The following ST6GALNAC5 variants were observed in gnomAD, a reference collection of about 807,000 sequenced individuals.
ST6GALNAC5 encodes ST6 N-acetylgalactosaminide alpha-2,6-sialyltransferase 5, also known as alpha-N-acetylgalactosaminide alpha-2,6-sialyltransferase 5.
A neutral mutation model predicts 33.6 loss-of-function variants in ST6GALNAC5; 27 were observed. The ratio of observed to expected loss-of-function variants is 0.80; its 90% confidence interval spans 0.59 to 1.11. The LOEUF (loss-of-function observed/expected upper bound fraction) is 1.11. ST6GALNAC5 is among the 50% of genes least tolerant of loss of function. ST6GALNAC5 has a pLI of 0.00. For missense variants in ST6GALNAC5, 428 were observed against 454.0 expected (o/e 0.94, Z 0.52); for synonymous variants, 194 against 171.2 (o/e 1.13, Z -1.04).
At chr1:76,908,744 G>A (rs1402336313) in intron 2 of ST6GALNAC5, among the ~76,000 whole-genome samples, 1 of 152,060 alleles carries the variant, frequency 6.6e-6, no homozygotes, top group Non-Finnish European at 1.5e-5. Flanking sequence ...TGTAACCGCA[G>A]GGTTCCTGTC....
At chr1:76,946,700 C>T (rs1376357687) in intron 2 of ST6GALNAC5, among the ~76,000 whole-genome samples, 1 of 152,082 alleles carries the variant, frequency 6.6e-6, no homozygotes, top group African/African-American at 2.4e-5. Context: ...TTAGTTTTAC[C>T]ACTTTAAATT....
At chr1:76,875,757 A>T (rs770824395) in intron 2 of ST6GALNAC5, among the ~76,000 whole-genome samples, 2 of 152,074 alleles carry the variant, frequency 1.3e-5, no homozygotes, top group Non-Finnish European at 2.9e-5. Context: ...TGGGAGAAAC[A>T]GTACCATATA....
intron 2 of ST6GALNAC5, chr1:76,871,301 A>T (rs185462917): frequency 6.6e-6 from 1 of 152,302 alleles, no homozygotes; most frequent in African/African-American, 2.4e-5. Context: ...GCTGGATGTG[A>T]TGACCACCAA....
rs568574928 is a variant in ST6GALNAC5, at chr1:76,945,196, C to T, written c.261+76454C>T. ...CATCTAGAGGACTTGGGGTTAAGGCCGAGTTATTCTTCAAGTACACAATTA... is the reference window on the plus strand; with the variant it reads ...CATCTAGAGGACTTGGGGTTAAGGCTGAGTTATTCTTCAAGTACACAATTA... On this transcript the variant is annotated intron_variant, in intron 2 of 4. Coordinates refer to ENST00000477717, the MANE Select transcript of ST6GALNAC5 (RefSeq NM_030965.3). Among the ~76,000 whole-genome samples, 7 of 151,506 alleles carry T rather than the reference C, an allele frequency of 4.6e-5. No individual in the cohort carries two copies. In the East Asian group the frequency reaches 7.8e-4, roughly 17 times the overall value.
chr1:76,904,452 G>T (rs1037806659), intron 2 of ST6GALNAC5, among the ~76,000 whole-genome samples: 3 of 152,018 alleles, frequency 2.0e-5, no homozygotes, highest in African/African-American at 7.3e-5. Flanking sequence ...ATTCAAAATG[G>T]AATACCATAT....
At chr1:76,989,245 C>A (rs1450029038) in intron 2 of ST6GALNAC5, among the ~76,000 whole-genome samples, 1 of 151,978 alleles carries the variant, frequency 6.6e-6, no homozygotes, top group Non-Finnish European at 1.5e-5. Flanking sequence ...CTATCTGATT[C>A]TTTTGCCCCA....
At chr1:76,928,455 G>A (rs969800106) in intron 2 of ST6GALNAC5, among the ~76,000 whole-genome samples, 1 of 152,050 alleles carries the variant, frequency 6.6e-6, no homozygotes, top group African/African-American at 2.4e-5. Context: ...ATTCAGTAGG[G>A]GTTCTTTTCC....
At chr1:76,998,261 A>G (rs1382962707) in intron 2 of ST6GALNAC5, among the ~76,000 whole-genome samples, 2 of 152,140 alleles carry the variant, frequency 1.3e-5, no homozygotes, top group Non-Finnish European at 2.9e-5. Context: ...GCCAGACATG[A>G]TGGCATGCTC....
rs529549594 is a variant in ST6GALNAC5, at chr1:76,999,098, GGATTCAATGT to G, written c.262-45102_262-45093del. ...AATAAAAAGGTTAAAATTACCTTTT[GGATTCAATGT>G]GATATTTTCCCTAGATACCTAAACA... On this transcript the variant is annotated intron_variant, in intron 2 of 4. Transcript: ENST00000477717. Among the ~76,000 whole-genome samples the G allele has an allele frequency of 1.7e-4, 26 of 152,100 alleles. No individual in the cohort carries two copies. In the East Asian group the frequency reaches 3.7e-3, roughly 21 times the overall value.
At chr1:77,045,768 A>C (rs1189458178) in intron 3 of ST6GALNAC5, among the ~76,000 whole-genome samples, 8 of 152,124 alleles carry the variant, frequency 5.3e-5, no homozygotes, top group African/African-American at 1.9e-4. Context: ...AGTCAGGAGA[A>C]CTAGGGGGTG....
At chr1:77,002,340 C>T (rs919327084) in intron 2 of ST6GALNAC5, among the ~76,000 whole-genome samples, 1 of 151,936 alleles carries the variant, frequency 6.6e-6, no homozygotes, top group Admixed American at 6.6e-5. Context: ...GGTGGTATCC[C>T]CTTTATCATT....
At chr1:77,033,745 A>G (rs2100450954) in intron 2 of ST6GALNAC5, among the ~76,000 whole-genome samples, 1 of 152,312 alleles carries the variant, frequency 6.6e-6, no homozygotes, top group South Asian at 2.1e-4. Context: ...CAGAGAAGGA[A>G]TGCTTACTGT....
chr1:76,926,054 A>G (rs1261414856), intron 2 of ST6GALNAC5, among the ~76,000 whole-genome samples: 1 of 152,166 alleles, frequency 6.6e-6, no homozygotes, highest in Non-Finnish European at 1.5e-5. Flanking sequence ...CACTTGTGGG[A>G]AAACTGAGCA....
chr1:77,014,949 T>C (rs1040309284), intron 2 of ST6GALNAC5, among the ~76,000 whole-genome samples: 2 of 152,306 alleles, frequency 1.3e-5, no homozygotes, highest in East Asian at 1.9e-4. Flanking sequence ...AAATATTTAT[T>C]GAGAACTTGC....
At chr1:76,983,957 A>T (rs1273256604) in intron 2 of ST6GALNAC5, among the ~76,000 whole-genome samples, 1 of 152,270 alleles carries the variant, frequency 6.6e-6, no homozygotes, top group South Asian at 2.1e-4. Flanking sequence ...TGTTCTTTCA[A>T]ATCAATGAGA....
chr1:76,898,268 C>A (rs1033859534), intron 2 of ST6GALNAC5, among the ~76,000 whole-genome samples: 2 of 152,142 alleles, frequency 1.3e-5, no homozygotes, highest in African/African-American at 4.8e-5. Context: ...CTGGAGGAAC[C>A]CCTGGCAGCT....
In ST6GALNAC5 at chr1:77,044,557, T is replaced by A; in HGVS notation, c.615T>A (p.Thr205=). ...CCCGGCTGAAGGCCTTCATGATTAC[T>A]CGCCACAAGATGCTGCAGTTTGATG... ...VLPRLKAFMI[T]RHKMLQFDEL... The change falls in exon 3 of 5, where the codon ACT becomes ACA. Residue 205 remains threonine (T), a synonymous_variant. Coordinates refer to ENST00000477717, the MANE Select transcript of ST6GALNAC5 (RefSeq NM_030965.3). 1 of 1,598,622 alleles carries A rather than the reference T, an allele frequency of 6.3e-7. No homozygotes were observed. Among genetic ancestry groups the A allele is most frequent in the African/African-American group, 1.3e-5 (1 of 74,722 alleles).
intron 2 of ST6GALNAC5, among the ~76,000 whole-genome samples, chr1:77,015,622 G>C (rs1321395217): frequency 6.6e-6 from 1 of 152,114 alleles, no homozygotes; most frequent in African/African-American, 2.4e-5. Flanking sequence ...GATACAAGGT[G>C]GACAGAGCTG....
chr1:77,032,258 T>C (rs1651486082), intron 2 of ST6GALNAC5, among the ~76,000 whole-genome samples: 1 of 152,046 alleles, frequency 6.6e-6, no homozygotes, highest in Non-Finnish European at 1.5e-5. Flanking sequence ...AGGCATGAGA[T>C]ACAGAGGGAC....
Sources: allele counts gnomAD v4.1 joint callset (sites outside exome capture counted in the v4.1 genomes callset), GRCh38; gene constraint gnomAD v4.1.1; transcripts MANE v1.5; gene names NCBI Gene and HGNC (gene_info 2026-07-23, HGNC 2026-07-21).